The following NDUFA3 variants were observed in gnomAD, a reference collection of about 807,000 sequenced individuals.
NDUFA3 encodes the protein NADH:ubiquinone oxidoreductase subunit A3, also known as NADH dehydrogenase [ubiquinone] 1 alpha subcomplex subunit 3.
Under a neutral mutation model 11.4 loss-of-function variants are expected in NDUFA3, and 10 were observed. The observed-to-expected ratio is 0.87, with a 90% confidence interval of 0.54 to 1.48. The LOEUF (loss-of-function observed/expected upper bound fraction) is 1.48, where lower values mean the gene tolerates loss of function less well. NDUFA3 is among the 40% of genes most tolerant of loss of function. The pLI, the probability that NDUFA3 is intolerant of heterozygous loss-of-function variation, is 0.00. For missense variants in NDUFA3, 115 were observed against 110.5 expected, an observed-to-expected ratio of 1.04 and a Z score of -0.18; for synonymous variants, 39 against 46.9, an observed-to-expected ratio of 0.83 and a Z score of 0.68.
At chr19:54,103,020 G>C (rs1025905592) in intron 1 of NDUFA3, 94 bp from the exon 2 acceptor site, 3 of 1,538,154 alleles carry the variant, frequency 2.0e-6, no homozygotes, top group Middle Eastern at 1.7e-4. Flanking sequence ...CAGAAGTCAC[G>C]AGGGGGCTCC....
chr19:54,104,595 A>G lies in NDUFA3; in HGVS notation c.86-1339A>G, dbSNP rs59380360. ...CACCAGCCACAACTGGCCACTGAGC[A>G]TTTGAAGTGGTGCTGGTATGAATTG... On this transcript the variant is annotated intron_variant, in intron 2 of 3. Coordinates refer to ENST00000485876, the MANE Select transcript of NDUFA3 (RefSeq NM_004542.4). 1.1e-4 allele frequency among the ~76,000 whole-genome samples: 17 copies of G among 152,288 alleles called. No homozygotes were observed. The East Asian group carries it at 3.3e-3, about 29-fold the overall frequency.
intron 2 of NDUFA3, among the ~76,000 whole-genome samples, chr19:54,105,264 C>CTTTTTTTTTTTTTTTTGTTTTTTT (rs2073222155): frequency 1.4e-5 from 1 of 71,258 alleles, no homozygotes; most frequent in Non-Finnish European, 2.5e-5. Context: ...GTTTGTAAGG[C>CTTTTTTTTTTTTTTTTGTTTTTTT]TTTTTTTTTT....
chr19:54,105,877 C>G (rs2073243927), intron 2 of NDUFA3, 57 bp from the exon 3 acceptor site: 40 of 1,463,402 alleles, frequency 2.7e-5, no homozygotes, highest in Non-Finnish European at 3.5e-5. Context: ...CTCACCTTCT[C>G]TTCCCCTCTC....
rs968840181 is a variant in NDUFA3 at position 54,106,189 on chromosome 19, C to T, written c.163+178C>T. The stretch of plus-strand genomic sequence containing the variant: ...ATTCGTATACTATTCTGTGTTTGTG[C>T]TTCGTTTTTGTTTTTTGGGGTTTTT... On this transcript the variant is annotated intron_variant, in intron 3 of 3. Coordinates refer to ENST00000485876, the MANE Select transcript of NDUFA3 (RefSeq NM_004542.4). 1.4e-5 allele frequency: 9 copies of T among 644,868 alleles called. No homozygotes were observed. The African/African-American group carries it at 1.7e-4, about 12-fold the overall frequency. The allele number at this position is 644,868 out of a possible 1,614,324, so 39.9% of individuals were successfully genotyped here.
At chr19:54,103,662 G>C (rs765092676) in intron 2 of NDUFA3, among the ~76,000 whole-genome samples, 251 of 151,926 alleles carry the variant, frequency 1.7e-3, no homozygotes, top group Non-Finnish European at 2.9e-3. Context: ...CTGCAGGGAT[G>C]GGGGCGGGGG....
At chr19:54,103,452 A>C (rs2073154724) in intron 2 of NDUFA3, among the ~76,000 whole-genome samples, 1 of 151,870 alleles carries the variant, frequency 6.6e-6, no homozygotes, top group Non-Finnish European at 1.5e-5. Context: ...CCTGAGCACC[A>C]AAAAAAAGTC....
rs774860871 is a variant in NDUFA3 at position 54,107,192 on chromosome 19, T to C, written c.*290T>C. 6.2e-7 allele frequency: 1 copy of C among 1,602,680 alleles called. No homozygotes were observed. Among genetic ancestry groups the C allele is most frequent in the Non-Finnish European group, 8.5e-7 (1 of 1,175,678 alleles). ...AATCTGCAGGAGATAAGGAACAAGG[T>C]GTTAACAGGCCTGGGAATCTAGAAA... On this transcript the variant is annotated 3_prime_UTR_variant, in exon 4 of 4. Transcript: ENST00000485876.
At chr19:54,106,314 C>A in intron 3 of NDUFA3, 1 of 430,778 alleles carries the variant, frequency 2.3e-6, no homozygotes, top group Non-Finnish European at 4.2e-6. Flanking sequence ...CTACAGGTGC[C>A]CGCCACCACG....
intron 2 of NDUFA3, 123 bp downstream of exon 2, chr19:54,103,311 C>G: frequency 1.0e-6 from 1 of 976,980 alleles, no homozygotes; most frequent in Admixed American, 3.0e-5. Flanking sequence ...TGCACCCCCA[C>G]GGCATCCCCT....
At position 54,107,059 on chromosome 19, in the gene NDUFA3, G is replaced by A; in HGVS notation, c.*157G>A. On this transcript the variant is annotated 3_prime_UTR_variant, in exon 4 of 4. Coordinates refer to ENST00000485876, the MANE Select transcript of NDUFA3 (RefSeq NM_004542.4). ...GTTTATTGGGCATGCGTCAGTCAGA[G>A]GCTGGGCTGGCCAGGGTCGGGTAGG... is the stretch of plus-strand genomic sequence containing the variant. The A allele has an allele frequency of 6.2e-7, 1 of 1,613,776 alleles. No individual in the cohort carries two copies. The highest frequency in any genetic ancestry group is 8.5e-7 in the Non-Finnish European group (1 of 1,179,934).
At position 54,105,996 on chromosome 19, in the gene NDUFA3, C is replaced by T; in HGVS notation, c.148C>T (p.Pro50Ser). 1 of 1,613,484 alleles carries T rather than the reference C, an allele frequency of 6.2e-7. No homozygotes were observed. Among genetic ancestry groups the T allele is most frequent in the Non-Finnish European group, 8.5e-7 (1 of 1,179,452 alleles). ...CTCCGTCATGATCAACAAGGCCACG[C>T]CCTACAACTACCCAGGTGAGTGGGG... ...KYSVMINKATPYNYPVPVRDD... is the reference protein window; with the variant it reads ...KYSVMINKATSYNYPVPVRDD... The change falls in exon 3 of 4, where the codon CCC becomes TCC. Residue 50 changes from proline (P) to serine (S), a missense_variant. Physicochemically the swap from Pro to Ser is moderately conservative, Grantham distance 74. Transcript: ENST00000485876.
In NDUFA3 at chr19:54,103,193, G is replaced by A. The variant is rs758515433; in HGVS notation, c.85+5G>A. The A allele has an allele frequency of 1.3e-6, 2 of 1,589,496 alleles. No individual in the cohort carries two copies. Among genetic ancestry groups the A allele is most frequent in the East Asian group, 2.2e-5 (1 of 44,492 alleles). On this transcript the variant is annotated splice_donor_5th_base_variant and intron_variant, in intron 2 of 3. Coordinates refer to ENST00000485876, the MANE Select transcript of NDUFA3 (RefSeq NM_004542.4). ...CCTTCGTCGTCGGGGGCCTCGGTGC[G>A]TGAGTGCTCCAGGCGCAAACTTGCA...
At position 54,107,033 on chromosome 19, in the gene NDUFA3, A is replaced by C; in HGVS notation, c.*131A>C. The C allele has an allele frequency of 6.2e-7, 1 of 1,612,226 alleles. No homozygotes were observed. The highest frequency in any genetic ancestry group is 1.1e-5 in the South Asian group (1 of 90,992). On this transcript the variant is annotated 3_prime_UTR_variant, in exon 4 of 4. Coordinates refer to ENST00000485876, the MANE Select transcript of NDUFA3 (RefSeq NM_004542.4). The stretch of plus-strand genomic sequence containing the variant: ...CGGTGGCCGGGGTGAGTGTGGGGTC[A>C]GTTTATTGGGCATGCGTCAGTCAGA...
intron 2 of NDUFA3, among the ~76,000 whole-genome samples, chr19:54,103,605 T>TCTGCCCTGGAA (rs2073160178): frequency 6.6e-6 from 1 of 152,082 alleles, no homozygotes; most frequent in Admixed American, 6.6e-5. Flanking sequence ...ATCTCTGCCC[T>TCTGCCCTGGAA]CTGCCCTGGA....
intron 2 of NDUFA3, among the ~76,000 whole-genome samples, chr19:54,105,201 C>A (rs1340536030): frequency 6.7e-6 from 1 of 150,206 alleles, no homozygotes; most frequent in Non-Finnish European, 1.5e-5. Flanking sequence ...CTGGCTCCCA[C>A]CCTAAATGGA....
chr19:54,102,971 C>A, intron 1 of NDUFA3, 83 bp downstream of exon 1: 1 of 1,565,162 alleles, frequency 6.4e-7, no homozygotes, highest in Non-Finnish European at 8.7e-7. Flanking sequence ...TGCGGCAGGG[C>A]AGGGGTGGAA....
chr19:54,105,703 TGTGA>T (rs753827786), intron 2 of NDUFA3: 13 of 691,274 alleles, frequency 1.9e-5, no homozygotes, highest in Admixed American at 1.5e-4. Context: ...CCCACGTATC[TGTGA>T]GTGTTAGGCT....
intron 3 of NDUFA3, 189 bp from the exon 4 acceptor site, chr19:54,106,622 A>C (rs370005514): frequency 2.0e-6 from 1 of 502,856 alleles, no homozygotes; most frequent in South Asian, 3.5e-5. Context: ...CTCCCTCGCT[A>C]TCTCTCTGGT....
intron 2 of NDUFA3, among the ~76,000 whole-genome samples, chr19:54,105,029 C>T (rs2073212237): frequency 6.6e-6 from 1 of 152,098 alleles, no homozygotes; most frequent in East Asian, 1.9e-4. Context: ...TGAGCCACCT[C>T]GCCCATCCAA....
Sources: gnomAD v4.1 joint callset for allele counts (sites outside exome capture counted in the v4.1 genomes callset) on GRCh38, gnomAD v4.1.1 for gene constraint, MANE v1.5 for transcripts, NCBI Gene and HGNC (gene_info 2026-07-23, HGNC 2026-07-21) for gene names.